MTUS2: variants seen among roughly 807,000 people sequenced by gnomAD.
MTUS2 encodes microtubule associated scaffold protein 2.
A neutral mutation model predicts 114.1 loss-of-function variants in MTUS2; 40 were observed. That is an observed-to-expected ratio of 0.35 (90% CI 0.27 to 0.46). MTUS2 has a LOEUF of 0.46. Ranked by LOEUF, MTUS2 falls within the 20% of genes least tolerant of loss-of-function variation. The pLI is 1.00. For missense variants in MTUS2, 1,679 were observed against 1,705.4 expected, an observed-to-expected ratio of 0.98 and a Z score of 0.27; for synonymous variants, 688 against 672.0, an observed-to-expected ratio of 1.02 and a Z score of -0.37.
chr13:28,912,559 G>A (rs981340944), intron 2 of MTUS2, among the ~76,000 whole-genome samples: 6 of 152,076 alleles, frequency 3.9e-5, no homozygotes, highest in African/African-American at 1.4e-4. Context: ...GAATGTCAAT[G>A]GTAGTTTAAT....
chr13:29,043,938 A>C (rs1446109839), intron 4 of MTUS2, among the ~76,000 whole-genome samples: 1 of 152,106 alleles, frequency 6.6e-6, no homozygotes, highest in Non-Finnish European at 1.5e-5. Context: ...TTTTACTTCT[A>C]GATATATTAT....
In MTUS2 at chr13:29,237,975, A is replaced by G. The variant is rs144552042; in HGVS notation, c.2645-43729A>G. ...AAACATGTATACTGTTGGTTGGGATATGAATTAGTTCAGCCATTATGGATA... is the reference window on the plus strand; with the variant it reads ...AAACATGTATACTGTTGGTTGGGATGTGAATTAGTTCAGCCATTATGGATA... On this transcript the variant is annotated intron_variant, in intron 5 of 15. Coordinates refer to ENST00000612955, the MANE Select transcript of MTUS2 (RefSeq NM_001033602.4). Among the ~76,000 whole-genome samples the G allele has an allele frequency of 3.3e-5, 5 of 152,332 alleles. No homozygotes were observed. In the East Asian group the frequency reaches 9.6e-4, roughly 29 times the overall value.
intron 5 of MTUS2, among the ~76,000 whole-genome samples, chr13:29,189,659 C>T (rs1016005468): frequency 1.3e-5 from 2 of 151,964 alleles, no homozygotes; most frequent in Non-Finnish European, 2.9e-5. Flanking sequence ...GTTTGTTTTA[C>T]TTTATTTACT....
intron 6 of MTUS2, among the ~76,000 whole-genome samples, chr13:29,286,188 AG>A (rs1233334853): frequency 6.6e-6 from 1 of 152,164 alleles, no homozygotes; most frequent in African/African-American, 2.4e-5. Context: ...AGCCTCCCAA[AG>A]TGCTGGGATT....
chr13:29,447,312 CT>C (rs1416222402), intron 9 of MTUS2, among the ~76,000 whole-genome samples: 18 of 151,886 alleles, frequency 1.2e-4, no homozygotes, highest in African/African-American at 4.1e-4. Context: ...AAAAATGCCA[CT>C]ACGGCTCAGT....
At position 28,991,856 on chromosome 13, in the gene MTUS2, A is replaced by G. The variant is rs190099977; in HGVS notation, c.-242-32601A>G. On this transcript the variant is annotated intron_variant, in intron 2 of 15. Transcript: ENST00000612955. Reference sequence around the variant, plus strand: ...CCCTCTGATCCTGTGTCTCAGGTCCACAGCAGTTACCTCTGAGATGTCAAG... The same window carrying G: ...CCCTCTGATCCTGTGTCTCAGGTCCGCAGCAGTTACCTCTGAGATGTCAAG... 2.0e-4 allele frequency among the ~76,000 whole-genome samples: 30 copies of G among 152,230 alleles called. No individual in the cohort carries two copies. The East Asian group carries it at 4.6e-3, about 24-fold the overall frequency.
chr13:28,827,425 C>A (rs1874340730), intron 1 of MTUS2, among the ~76,000 whole-genome samples: 1 of 152,074 alleles, frequency 6.6e-6, no homozygotes, highest in African/African-American at 2.4e-5. Flanking sequence ...TTGTCCTCTA[C>A]CCCCAAACTT....
rs1405574230 is a variant in MTUS2, at chr13:29,033,975, C to G, written c.2296C>G (p.Leu766Val). ...PPTFYRSAML[L>V]KPQLGLGAMS... The stretch of plus-strand genomic sequence containing the variant: ...AACTTTCTATCGGTCAGCCATGCTC[C>G]TTAAGCCCCAGCTAGGATTGGGTGC... The change falls in exon 4 of 16, where the codon CTT becomes GTT. Residue 766 changes from leucine to valine, a missense_variant. Around this residue, in one of 3 missense-constraint regions of MTUS2, gnomAD observed 822 missense variants for 899.7 expected, o/e 0.91. Transcript: ENST00000612955. 1.9e-6 allele frequency: 3 copies of G among 1,613,892 alleles called. No homozygotes were observed. The highest frequency in any genetic ancestry group is 2.5e-6 in the Non-Finnish European group (3 of 1,179,900).
At position 29,025,825 on chromosome 13, in the gene MTUS2, G is replaced by A. The variant is rs1327555831; in HGVS notation, c.1127G>A (p.Gly376Asp). The change falls in exon 3 of 16, where the codon GGC becomes GAC. Residue 376 changes from glycine to aspartate, a missense_variant. Around this residue, in one of 3 missense-constraint regions of MTUS2, gnomAD observed 843 missense variants for 770.8 expected, o/e 1.09. Coordinates refer to ENST00000612955, the MANE Select transcript of MTUS2 (RefSeq NM_001033602.4). ...SDLHHLGVGR[G>D]NCEEKRGVNP... ...CTCCACCACCTTGGGGTGGGAAGAG[G>A]CAACTGTGAAGAGAAGAGAGGAGTC... The A allele has an allele frequency of 1.2e-6, 2 of 1,613,850 alleles. No homozygotes were observed. Among genetic ancestry groups the A allele is most frequent in the Non-Finnish European group, 1.7e-6 (2 of 1,179,848 alleles).
At chr13:29,446,879 G>A (rs1295345455) in intron 9 of MTUS2, among the ~76,000 whole-genome samples, 1 of 147,842 alleles carries the variant, frequency 6.8e-6, no homozygotes, top group South Asian at 2.1e-4. Context: ...GGTTTAGGAC[G>A]GAGCTTTTAT....
intron 4 of MTUS2, among the ~76,000 whole-genome samples, chr13:29,043,525 G>T (rs1335100975): frequency 6.6e-6 from 1 of 151,788 alleles, no homozygotes; most frequent in African/African-American, 2.4e-5. Context: ...CTGTCAGTGG[G>T]GTACTGAAGT....
intron 2 of MTUS2, among the ~76,000 whole-genome samples, chr13:28,996,534 T>G (rs1047344745): frequency 6.6e-6 from 1 of 152,112 alleles, no homozygotes; most frequent in Admixed American, 6.6e-5. Context: ...GTCCTGGACT[T>G]TTTTTGGTTG....
chr13:29,268,446 C>T (rs1355186882), intron 5 of MTUS2, among the ~76,000 whole-genome samples: 1 of 152,134 alleles, frequency 6.6e-6, no homozygotes, highest in Non-Finnish European at 1.5e-5. Flanking sequence ...CTTCACGATG[C>T]TCCCGAGTCC....
In MTUS2 at chr13:29,195,246, TAATAA is replaced by T. The variant is rs530539629; in HGVS notation, c.2645-86440_2645-86436del. ...TACCCTAAAACTTAAAGTATAATAA[TAATAA>T]AATAAAATAAAATAAAAGTAATACA... is the stretch of plus-strand genomic sequence containing the variant. On this transcript the variant is annotated intron_variant, in intron 5 of 15. Transcript: ENST00000612955. Among the ~76,000 whole-genome samples, 26 of 56,136 alleles carry T rather than the reference TAATAA, an allele frequency of 4.6e-4. No individual in the cohort carries two copies. The South Asian group carries it at 9.6e-3, about 21-fold the overall frequency. 36.8% of individuals were successfully genotyped at this position (56,136 alleles called of 152,430 possible). A position where few individuals can be genotyped will look rare whatever the true frequency, so the allele number is the denominator to read the frequency against.
chr13:28,843,821 CTG>C (rs1312457862), intron 2 of MTUS2, among the ~76,000 whole-genome samples: 6 of 152,306 alleles, frequency 3.9e-5, no homozygotes, highest in African/African-American at 1.4e-4. Context: ...CATGCTGGCA[CTG>C]TGTCGTCTTT....
At chr13:29,002,102 G>A (rs1885411191) in intron 2 of MTUS2, among the ~76,000 whole-genome samples, 1 of 152,160 alleles carries the variant, frequency 6.6e-6, no homozygotes, top group East Asian at 1.9e-4. Context: ...TAATAAATTT[G>A]TGTTGTCTTG....
At chr13:29,500,138 C>T (rs1408057814) in intron 14 of MTUS2, among the ~76,000 whole-genome samples, 2 of 152,260 alleles carry the variant, frequency 1.3e-5, no homozygotes, top group East Asian at 3.8e-4. Flanking sequence ...TAGCCATCCT[C>T]CAGGCTTTCT....
chr13:29,247,553 T>C (rs940576407), intron 5 of MTUS2, among the ~76,000 whole-genome samples: 5 of 151,304 alleles, frequency 3.3e-5, no homozygotes, highest in African/African-American at 1.2e-4. Context: ...CTCAAACAAA[T>C]CAGAAGAAAG....
intron 10 of MTUS2, among the ~76,000 whole-genome samples, chr13:29,486,036 A>G (rs747854311): frequency 5.3e-5 from 8 of 152,192 alleles, no homozygotes; most frequent in Non-Finnish European, 1.0e-4. Flanking sequence ...CCAGTGATTT[A>G]TTTTTCCAAC....
Sources: gnomAD v4.1 joint callset for allele counts (sites outside exome capture counted in the v4.1 genomes callset) on GRCh38, gnomAD v4.1.1 for gene constraint, gnomAD v4.1.1 regional missense constraint, MANE v1.5 for transcripts, NCBI Gene and HGNC (gene_info 2026-07-23, HGNC 2026-07-21) for gene names.